RANBP17: variants seen among roughly 807,000 people sequenced by gnomAD.
The protein encoded by RANBP17 is RAN binding protein 17.
In RANBP17, 158 loss-of-function variants were observed where a neutral mutation model predicts 141.2. The ratio of observed to expected loss-of-function variants is 1.12; its 90% CI spans 0.98 to 1.28. The LOEUF is 1.28. Ranked by LOEUF, RANBP17 falls within the 50% of genes most tolerant of loss-of-function variation. The pLI is 0.00. For synonymous variants in RANBP17, 430 were observed against 450.0 expected (o/e 0.96, Z 0.56); for missense variants, 1,438 against 1,290.7 (o/e 1.11, Z -1.75).
intron 14 of RANBP17, among the ~76,000 whole-genome samples, chr5:171,122,092 G>A (rs1434549491): frequency 3.3e-5 from 5 of 152,082 alleles, no homozygotes; most frequent in Admixed American, 6.6e-5. Context: ...CCCTGCAATA[G>A]GACCTCCCTC....
At chr5:171,013,515 GA>G (rs972433755) in intron 14 of RANBP17, among the ~76,000 whole-genome samples, 6 of 152,072 alleles carry the variant, frequency 3.9e-5, no homozygotes, top group African/African-American at 1.4e-4. Context: ...ACTATTAGTT[GA>G]AAAGGCTATC....
At chr5:171,280,401 G>A (rs34777614) in intron 25 of RANBP17, among the ~76,000 whole-genome samples, 5 of 151,966 alleles carry the variant, frequency 3.3e-5, no homozygotes, top group East Asian at 1.9e-4. Context: ...CCTCAGCCTC[G>A]CAAGTAGCTG....
In RANBP17 at chr5:171,117,521, A is replaced by T. The variant is rs1755721175; in HGVS notation, c.1711-52609A>T. ...TTTTTATTATTATTATTTTTGGAGG[A>T]TGGAGTCTTGCTCTGTCGCCCAGGC... On this transcript the variant is annotated intron_variant, in intron 14 of 27. Transcript: ENST00000523189. Among the ~76,000 whole-genome samples, 3 of 151,918 alleles carry T rather than the reference A, an allele frequency of 2.0e-5. No homozygotes were observed. The South Asian group carries it at 6.3e-4, about 32-fold the overall frequency.
chr5:170,904,799 AT>A, intron 5 of RANBP17, among the ~76,000 whole-genome samples: 1 of 152,208 alleles, frequency 6.6e-6, no homozygotes, highest in East Asian at 1.9e-4. Flanking sequence ...TCTTGTACAG[AT>A]TTTTATCATT....
At chr5:170,937,925 C>G (rs10062666) in intron 12 of RANBP17, among the ~76,000 whole-genome samples, 97,611 of 151,912 alleles carry the variant, frequency 0.64, 32,049 homozygotes, top group South Asian at 0.89. Context: ...TGGTCAACTA[C>G]ATCCTCTGAA....
intron 22 of RANBP17, among the ~76,000 whole-genome samples, chr5:171,232,272 T>C (rs1764250323): frequency 2.0e-5 from 3 of 152,182 alleles, no homozygotes; most frequent in Non-Finnish European, 4.4e-5. Flanking sequence ...TGTAATTAAA[T>C]TATTGGACAA....
At chr5:171,258,442 G>C (rs191712868) in intron 24 of RANBP17, among the ~76,000 whole-genome samples, 14 of 152,006 alleles carry the variant, frequency 9.2e-5, no homozygotes, top group African/African-American at 3.4e-4. Flanking sequence ...TGACCAACCA[G>C]AACTCAGCTG....
chr5:171,191,714 G>T (rs1024365589), intron 18 of RANBP17, among the ~76,000 whole-genome samples: 2 of 151,856 alleles, frequency 1.3e-5, no homozygotes, highest in African/African-American at 2.4e-5. Flanking sequence ...AGAAAACTGA[G>T]GTTCATAGAG....
intron 5 of RANBP17, chr5:170,904,341 G>T: frequency 4.5e-6 from 1 of 220,046 alleles, no homozygotes. Context: ...ATGGAAGAAA[G>T]CTATTTCACA....
chr5:171,033,745 TTTATGAG>T (rs1781694839), intron 14 of RANBP17, among the ~76,000 whole-genome samples: 2 of 152,126 alleles, frequency 1.3e-5, no homozygotes, highest in South Asian at 4.1e-4. Context: ...TTGAGTCTTG[TTTATGAG>T]TTATAACATT....
chr5:171,012,343 A>G (rs142318518), intron 14 of RANBP17, among the ~76,000 whole-genome samples: 373 of 152,198 alleles, frequency 2.5e-3, no homozygotes, highest in African/African-American at 8.3e-3. Context: ...CTGGTCTTAC[A>G]TGAAGGAAAT....
At chr5:171,136,728 A>T (rs1757315427) in intron 14 of RANBP17, among the ~76,000 whole-genome samples, 1 of 152,166 alleles carries the variant, frequency 6.6e-6, no homozygotes, top group Non-Finnish European at 1.5e-5. Flanking sequence ...TTCCTAGCTT[A>T]GGTCTTTTCT....
At chr5:170,923,430 C>CT (rs1180604267) in intron 11 of RANBP17, among the ~76,000 whole-genome samples, 1 of 152,180 alleles carries the variant, frequency 6.6e-6, no homozygotes, top group Non-Finnish European at 1.5e-5. Context: ...AGTATGAGTT[C>CT]TTTAAGTGGC....
intron 18 of RANBP17, among the ~76,000 whole-genome samples, chr5:171,186,526 CTT>C (rs757585137): frequency 0.014 from 584 of 41,512 alleles, 1 homozygote; most frequent in Non-Finnish European, 0.016. Context: ...GTATGATTTT[CTT>C]TTTTTTTTTT....
At chr5:170,968,415 G>A (rs2127529813) in intron 14 of RANBP17, 38 bp downstream of exon 14, 1 of 1,572,308 alleles carries the variant, frequency 6.4e-7, no homozygotes, top group Non-Finnish European at 8.7e-7. Flanking sequence ...ATGTTATTGG[G>A]GATGAAGAAA....
chr5:171,089,324 C>A (rs1157654562), intron 14 of RANBP17, among the ~76,000 whole-genome samples: 17 of 137,072 alleles, frequency 1.2e-4, no homozygotes, highest in Non-Finnish European at 8.0e-5. Flanking sequence ...GTTCTCAGAT[C>A]TCCAGCTGCG....
intron 14 of RANBP17, among the ~76,000 whole-genome samples, chr5:171,053,056 G>A (rs574377605): frequency 6.6e-6 from 1 of 152,072 alleles, no homozygotes; most frequent in Non-Finnish European, 1.5e-5. Context: ...TTAACCTCAG[G>A]TGATCCACCT....
intron 18 of RANBP17, among the ~76,000 whole-genome samples, chr5:171,198,334 C>T (rs1393391010): frequency 6.6e-6 from 1 of 152,116 alleles, no homozygotes; most frequent in Non-Finnish European, 1.5e-5. Flanking sequence ...ATTTGTTGGC[C>T]CTTTGGCATC....
chr5:171,006,720 A>C (rs1420437986), intron 14 of RANBP17, among the ~76,000 whole-genome samples: 1 of 149,156 alleles, frequency 6.7e-6, no homozygotes, highest in Non-Finnish European at 1.5e-5. Context: ...CATTGTGCAC[A>C]TGTACTCTAA....
Sources: allele counts gnomAD v4.1 joint callset (sites outside exome capture counted in the v4.1 genomes callset), GRCh38; gene constraint gnomAD v4.1.1; transcripts MANE v1.5; gene names NCBI Gene and HGNC (gene_info 2026-07-23, HGNC 2026-07-21).